BCLAF1: variants seen among roughly 807,000 people sequenced by gnomAD.
The protein encoded by BCLAF1 is BCL2 associated transcription factor 1.
BCLAF1 carries 10 observed loss-of-function variants against 99.5 expected under a neutral mutation model. The ratio of observed to expected loss-of-function variants is 0.10; its 90% confidence interval spans 0.06 to 0.17. The LOEUF (loss-of-function observed/expected upper bound fraction) is 0.17, where lower values mean the gene tolerates loss of function less well. BCLAF1 is among the 10% of genes least tolerant of loss of function. The pLI is 1.00. For synonymous variants in BCLAF1, 255 were observed against 370.9 expected (o/e 0.69, Z 3.59); for missense variants, 636 against 1,105.8 (o/e 0.58, Z 6.02).
intron 11 of BCLAF1, among the ~76,000 whole-genome samples, chr6:136,263,347 A>C (rs1781276069): frequency 6.6e-6 from 1 of 152,196 alleles, no homozygotes; most frequent in Admixed American, 6.5e-5. Context: ...CTAGGGTTAA[A>C]CTAGCCATTG....
intron 7 of BCLAF1, among the ~76,000 whole-genome samples, chr6:136,272,660 T>C (rs369920541): frequency 2.2e-3 from 333 of 152,034 alleles, no homozygotes; most frequent in African/African-American, 7.7e-3. Context: ...AGAGATTAAG[T>C]TGTTCATCAC....
At chr6:136,271,464 TAA>T (rs1314277907) in intron 8 of BCLAF1, among the ~76,000 whole-genome samples, 3 of 151,880 alleles carry the variant, frequency 2.0e-5, no homozygotes, top group Non-Finnish European at 2.9e-5. Context: ...CTCTCATGTT[TAA>T]AAGACATTCC....
At chr6:136,266,901 T>C in intron 11 of BCLAF1, 128 bp downstream of exon 11, 2 of 1,227,202 alleles carry the variant, frequency 1.6e-6, no homozygotes, top group Non-Finnish European at 1.1e-6. Context: ...TGGGTAATTA[T>C]TTTAAAAAAG....
rs1780589147 is a variant in BCLAF1, at chr6:136,258,401, A to G, written c.*2709T>C. ...CAAGGGAAAAACAAAAACAAAAACA[A>G]AAACAAAAACAAAAACAAAAACAAG... On this transcript the variant is annotated 3_prime_UTR_variant, in exon 13 of 13. Coordinates refer to ENST00000531224, the MANE Select transcript of BCLAF1 (RefSeq NM_014739.3). 6.6e-6 allele frequency: 1 copy of G among 151,776 alleles called. No homozygotes were observed. The highest frequency in any genetic ancestry group is 2.4e-5 in the African/African-American group (1 of 41,242). 9.4% of individuals were successfully genotyped at this position (151,776 alleles called of 1,614,324 possible).
rs1305332928 is a variant in BCLAF1 at position 136,260,240 on chromosome 6, C to G, written c.*870G>C. ...TTCTGCAGGATAGACCTCCTACATA[C>G]CAACCCCAGGATTACAGTTTTTCTT... On this transcript the variant is annotated 3_prime_UTR_variant, in exon 13 of 13. Transcript: ENST00000531224. The G allele has an allele frequency of 2.6e-5, 4 of 151,940 alleles. No individual in the cohort carries two copies. The allele number at this position is 151,940 out of a possible 1,614,324, so 9.4% of individuals were successfully genotyped here. A position where few individuals can be genotyped will look rare whatever the true frequency, so the allele number is the denominator to read the frequency against.
At chr6:136,273,484 A>G (rs904857866) in intron 6 of BCLAF1, 1 of 251,068 alleles carries the variant, frequency 4.0e-6, no homozygotes, top group African/African-American at 2.2e-5. Context: ...CAGAACAAAA[A>G]GGAACATAAT....
rs542971362 is a variant in BCLAF1, at chr6:136,260,536, C to CT, written c.*573dup. 5.8e-3 allele frequency: 851 copies of CT among 146,556 alleles called. 3 individuals are homozygous for CT. The highest frequency in any genetic ancestry group is 0.029 in the South Asian group (131 of 4,594). 9.1% of individuals were successfully genotyped at this position (146,556 alleles called of 1,614,324 possible). On this transcript the variant is annotated 3_prime_UTR_variant, in exon 13 of 13. Transcript: ENST00000531224. ...TTGTACTTTTTAGCTATTGGCAAAG[C>CT]TTTTTTTTTTTAATTCCTTCTTAAG...
rs3799401 is a variant in BCLAF1, at chr6:136,281,637, G to A, written c.-11+947C>T. On this transcript the variant is annotated intron_variant, in intron 2 of 12. Coordinates refer to ENST00000531224, the MANE Select transcript of BCLAF1 (RefSeq NM_014739.3). ...TTTTGGAGATCCAGTCCAGCAATAAGACAACATCCTTTTTCATTGTACTAA... is the reference window on the plus strand; with the variant it reads ...TTTTGGAGATCCAGTCCAGCAATAAAACAACATCCTTTTTCATTGTACTAA... 1.5e-3 allele frequency among the ~76,000 whole-genome samples: 222 copies of A among 152,246 alleles called. 5 individuals carry two copies. In the East Asian group the frequency reaches 0.041, roughly 28 times the overall value.
chr6:136,275,472 C>T, intron 6 of BCLAF1, 60 bp downstream of exon 6: 1 of 1,411,666 alleles, frequency 7.1e-7, no homozygotes, highest in Non-Finnish European at 9.4e-7. Context: ...CATAATTACA[C>T]ATTTTTTTAT....
In BCLAF1 at chr6:136,261,102, C is replaced by T. The variant is rs1266359401; in HGVS notation, c.*8G>A. ...GTTCTGCTCTGTTGTAATCTTACTTCATATTTATTATTCCTAAAAGAGAGA... is the reference window on the plus strand; with the variant it reads ...GTTCTGCTCTGTTGTAATCTTACTTTATATTTATTATTCCTAAAAGAGAGA... On this transcript the variant is annotated 3_prime_UTR_variant, in exon 13 of 13. Coordinates refer to ENST00000531224, the MANE Select transcript of BCLAF1 (RefSeq NM_014739.3). 2 of 1,577,218 alleles carry T rather than the reference C, an allele frequency of 1.3e-6. No individual in the cohort carries two copies. The highest frequency in any genetic ancestry group is 1.7e-6 in the Non-Finnish European group (2 of 1,162,988).
chr6:136,286,883 G>A (rs143238851), intron 1 of BCLAF1, among the ~76,000 whole-genome samples: 6 of 152,132 alleles, frequency 3.9e-5, no homozygotes, highest in African/African-American at 1.4e-4. Context: ...CAGGAGAATC[G>A]CTTGAACCCA....
chr6:136,286,339 G>A (rs1020137215), intron 1 of BCLAF1, among the ~76,000 whole-genome samples: 1 of 152,162 alleles, frequency 6.6e-6, no homozygotes, highest in African/African-American at 2.4e-5. Flanking sequence ...TCCTGGCTCA[G>A]CCATTAACTA....
At chr6:136,269,804 T>C in intron 8 of BCLAF1, 192 bp from the exon 9 acceptor site, 1 of 428,690 alleles carries the variant, frequency 2.3e-6, no homozygotes, top group Non-Finnish European at 4.0e-6. Flanking sequence ...TAAACATTTG[T>C]GTATACAAAG....
In BCLAF1 at chr6:136,278,666, C is replaced by T. The variant is rs755119874; in HGVS notation, c.215G>A (p.Gly72Glu). The T allele has an allele frequency of 6.2e-7, 1 of 1,613,304 alleles. No homozygotes were observed. Residue 72 changes from glycine (G) to glutamate (E), a missense_variant, in exon 4 of 13, where the codon GGG (glycine) becomes GAG (glutamate). Physicochemically the swap from Gly to Glu is moderately conservative, Grantham distance 98 (BLOSUM62 -2). Transcript: ENST00000531224. ...ATACCCTCTACCCCTTCCTCTGTAC[C>T]CATAAGGTCGTCTCATTCCTCTATT... ...RNNRGMRRPYGYRGRGRGYYQ... is the reference protein window; with the variant it reads ...RNNRGMRRPYEYRGRGRGYYQ...
Position 136,275,640 on chromosome 6 carries a change from C to T in BCLAF1, c.1744G>A (p.Glu582Lys), listed in dbSNP as rs751636903. The stretch of plus-strand genomic sequence containing the variant: ...TCAAAGATGGATCGGAATTCTTGCT[C>T]CTTCTTGACAGAATGGACAAGTGTA... ...ASTLVHSVKK[E>K]QEFRSIFDHI... The change falls in exon 6 of 13, where the codon GAG (glutamate) becomes AAG (lysine). Residue 582 changes from glutamate (E) to lysine (K), a missense_variant. Transcript: ENST00000531224. The T allele has an allele frequency of 5.0e-6, 8 of 1,597,962 alleles. No individual in the cohort carries two copies. The African/African-American group carries it at 8.1e-5, about 16-fold the overall frequency.
chr6:136,284,108 ACATATATATGTGTGTGTGTGTG>A (rs1784750621), intron 1 of BCLAF1, among the ~76,000 whole-genome samples: 2 of 127,108 alleles, frequency 1.6e-5, no homozygotes, highest in African/African-American at 6.7e-5. Context: ...ATATATATAT[ACATATATATGTGTGTGTGTGTG>A]TATATATATA....
chr6:136,265,259 A>AT (rs952077305), intron 11 of BCLAF1, among the ~76,000 whole-genome samples: 20 of 151,864 alleles, frequency 1.3e-4, no homozygotes, highest in Non-Finnish European at 5.9e-5. Flanking sequence ...GAGCACTTAG[A>AT]TTTTTTTGTT....
chr6:136,261,275 T>C lies in BCLAF1; in HGVS notation c.2747A>G (p.Lys916Arg). The change falls in exon 12 of 13, where the codon AAG (lysine) becomes AGG (arginine). Residue 916 changes from lysine to arginine, a missense_variant. Lys to Arg is a conservative substitution (Grantham distance 26, BLOSUM62 2). Coordinates refer to ENST00000531224, the MANE Select transcript of BCLAF1 (RefSeq NM_014739.3). ...GTTGAAATTTTATACCTTTTCTTCC[T>C]TGCGTCTGTCCTTCTTTTCTTCATT... ...ENNEEKKDRR[K>R]EEKE is the part of the protein sequence containing the mutation. 2 of 1,613,150 alleles carry C rather than the reference T, an allele frequency of 1.2e-6. No individual in the cohort carries two copies.
chr6:136,283,961 T>C (rs567971732), intron 1 of BCLAF1, among the ~76,000 whole-genome samples: 1 of 151,834 alleles, frequency 6.6e-6, no homozygotes, highest in African/African-American at 2.4e-5. Context: ...GAGAAAAAAA[T>C]GGCAATCTTC....
Sources: allele counts gnomAD v4.1 joint callset (sites outside exome capture counted in the v4.1 genomes callset), GRCh38; gene constraint gnomAD v4.1.1; transcripts MANE v1.5; gene names NCBI Gene and HGNC (gene_info 2026-07-23, HGNC 2026-07-21).